EGFR: variants seen among roughly 807,000 people sequenced by gnomAD.
EGFR encodes epidermal growth factor receptor.
In EGFR, 58 loss-of-function variants were observed where a neutral mutation model predicts 143.0. That is an observed-to-expected ratio of 0.41 (90% CI 0.33 to 0.50). The LOEUF is 0.50. EGFR is among the 20% of genes least tolerant of loss of function. The probability of loss-of-function intolerance (pLI) is 0.39; values close to 1 mark genes in which losing one functional copy is unlikely to be tolerated. For missense variants in EGFR, 1,307 were observed against 1,579.0 expected (o/e 0.83, Z 2.92); for synonymous variants, 613 against 594.4 (o/e 1.03, Z -0.45).
At chr7:55,088,337 G>A (rs1393616722) in intron 1 of EGFR, among the ~76,000 whole-genome samples, 5 of 152,328 alleles carry the variant, frequency 3.3e-5, no homozygotes, top group South Asian at 2.1e-4. Context: ...TAAAACAGAC[G>A]CAGAAAATGT....
In EGFR at chr7:55,157,706, C is replaced by A. The variant is rs767070097; in HGVS notation, c.1251C>A (p.Leu417=). 1.2e-6 allele frequency: 2 copies of A among 1,614,218 alleles called. No homozygotes were observed. Among genetic ancestry groups the A allele is most frequent in the East Asian group, 2.2e-5 (1 of 44,890 alleles). ...CTTGGCCTGAAAACAGGACGGACCT[C>A]CATGCCTTTGAGAACCTAGAAATCA... ...IQAWPENRTD[L]HAFENLEIIR... The change falls in exon 11 of 28, where the codon CTC becomes CTA. Residue 417 remains leucine, a synonymous_variant. Coordinates refer to ENST00000275493, the MANE Select transcript of EGFR (RefSeq NM_005228.5).
rs1262899620 is a variant in EGFR at position 55,192,752 on chromosome 7, C to A, written c.2626-14C>A. The A allele has an allele frequency of 3.1e-6, 5 of 1,613,112 alleles. No individual in the cohort carries two copies. In the East Asian group the frequency reaches 8.9e-5, roughly 29 times the overall value. Reference sequence around the variant, plus strand: ...TAATAGTTGTCTCACTGCCTCATCTCTCACCATCCCAAGGTGCCTATCAAG... The same window carrying A: ...TAATAGTTGTCTCACTGCCTCATCTATCACCATCCCAAGGTGCCTATCAAG... On this transcript the variant is annotated splice_polypyrimidine_tract_variant and intron_variant, in intron 21 of 27. Coordinates refer to ENST00000275493, the MANE Select transcript of EGFR (RefSeq NM_005228.5).
chr7:55,161,165 C>T (rs1785677956), intron 12 of EGFR, among the ~76,000 whole-genome samples: 1 of 152,224 alleles, frequency 6.6e-6, no homozygotes, highest in African/African-American at 2.4e-5. Flanking sequence ...ACATGGAGTC[C>T]CATCTGGTTT....
At chr7:55,173,440 G>A (rs17337086) in intron 17 of EGFR, among the ~76,000 whole-genome samples, 18 of 152,336 alleles carry the variant, frequency 1.2e-4, no homozygotes, top group Admixed American at 2.0e-4. Context: ...GCACTGTGGC[G>A]AAGGCGAGAG....
intron 19 of EGFR, among the ~76,000 whole-genome samples, chr7:55,178,623 A>C (rs1339533810): frequency 1.3e-5 from 2 of 152,216 alleles, no homozygotes; most frequent in Non-Finnish European, 2.9e-5. Flanking sequence ...GACCTCAGAC[A>C]AAATACGCTT....
At chr7:55,078,542 C>T (rs1562694830) in intron 1 of EGFR, among the ~76,000 whole-genome samples, 1 of 152,216 alleles carries the variant, frequency 6.6e-6, no homozygotes, top group Non-Finnish European at 1.5e-5. Context: ...AACTGCTGCC[C>T]AGACTGACCT....
chr7:55,087,078 T>C (rs1790807563), intron 1 of EGFR, among the ~76,000 whole-genome samples: 1 of 151,972 alleles, frequency 6.6e-6, no homozygotes, highest in Non-Finnish European at 1.5e-5. Context: ...CACTGCCCAC[T>C]TGAAACAGGG....
chr7:55,118,179 AC>A, intron 1 of EGFR, among the ~76,000 whole-genome samples: 1 of 152,198 alleles, frequency 6.6e-6, no homozygotes, highest in African/African-American at 2.4e-5. Context: ...ATTAATGGGG[AC>A]CTCCTGTTGG....
intron 1 of EGFR, among the ~76,000 whole-genome samples, chr7:55,019,647 C>T (rs1436266024): frequency 6.6e-6 from 1 of 152,106 alleles, no homozygotes; most frequent in African/African-American, 2.4e-5. Context: ...CGCCCCGAAC[C>T]GCTCCCAACT....
intron 1 of EGFR, among the ~76,000 whole-genome samples, chr7:55,132,611 G>T (rs913370649): frequency 6.6e-6 from 1 of 152,188 alleles, no homozygotes; most frequent in Non-Finnish European, 1.5e-5. Context: ...GTTTTCATTT[G>T]CTTGGTAATG....
intron 6 of EGFR, among the ~76,000 whole-genome samples, chr7:55,153,761 AT>A (rs1785269987): frequency 6.6e-6 from 1 of 152,170 alleles, no homozygotes; most frequent in African/African-American, 2.4e-5. Flanking sequence ...AAACAGACGT[AT>A]TTTTATCATA....
chr7:55,140,790 CATT>C (rs1258959532), intron 1 of EGFR, among the ~76,000 whole-genome samples: 2 of 152,296 alleles, frequency 1.3e-5, no homozygotes, highest in African/African-American at 4.8e-5. Context: ...TGAAAGCTAT[CATT>C]ATCACTGAAA....
chr7:55,151,965 G>T (rs1785181638), intron 5 of EGFR, among the ~76,000 whole-genome samples: 1 of 152,238 alleles, frequency 6.6e-6, no homozygotes, highest in South Asian at 2.1e-4. Context: ...CCCAGGAATG[G>T]AAGACTTGCT....
chr7:55,075,739 A>G (rs1209399209), intron 1 of EGFR, among the ~76,000 whole-genome samples: 1 of 152,224 alleles, frequency 6.6e-6, no homozygotes, highest in African/African-American at 2.4e-5. Context: ...TGGCACGCTC[A>G]GAGCTACACA....
At chr7:55,090,570 T>A (rs1268422051) in intron 1 of EGFR, among the ~76,000 whole-genome samples, 2 of 152,210 alleles carry the variant, frequency 1.3e-5, no homozygotes, top group Admixed American at 6.5e-5. Flanking sequence ...AGAAAGCACA[T>A]GATTTACTAA....
At chr7:55,201,519 T>G (rs1036601167) in intron 25 of EGFR, among the ~76,000 whole-genome samples, 164 bp downstream of exon 25, 1 of 152,270 alleles carries the variant, frequency 6.6e-6, no homozygotes, top group African/African-American at 2.4e-5. Context: ...ATTAATTATT[T>G]TGTTGCATTG....
At chr7:55,157,879 C>A in intron 11 of EGFR, 126 bp downstream of exon 11, 2 of 949,124 alleles carry the variant, frequency 2.1e-6, no homozygotes, top group Non-Finnish European at 3.3e-6. Flanking sequence ...TTCCCAAATG[C>A]TATCTCACAT....
intron 1 of EGFR, among the ~76,000 whole-genome samples, chr7:55,090,179 G>A (rs1030143015): frequency 6.6e-5 from 10 of 152,270 alleles, no homozygotes; most frequent in African/African-American, 2.4e-4. Flanking sequence ...ATGTTGGTCA[G>A]GTTGGTCTCA....
intron 7 of EGFR, 56 bp downstream of exon 7, chr7:55,154,208 C>T: frequency 6.2e-7 from 1 of 1,610,572 alleles, no homozygotes; most frequent in Non-Finnish European, 8.5e-7. Context: ...CCCGCTCTGT[C>T]TCCTGCTGAG....
Sources: allele counts gnomAD v4.1 joint callset (sites outside exome capture counted in the v4.1 genomes callset), GRCh38; gene constraint gnomAD v4.1.1; transcripts MANE v1.5; gene names NCBI Gene and HGNC (gene_info 2026-07-23, HGNC 2026-07-21).